The following PCDHGC4 variants were observed in gnomAD, a reference collection of about 807,000 sequenced individuals.
The protein encoded by PCDHGC4 is protocadherin gamma-C4.
A neutral mutation model predicts 59.7 loss-of-function variants in PCDHGC4; 15 were observed. That is an observed-to-expected ratio of 0.25 (90% CI 0.17 to 0.39). The LOEUF is 0.39. Ranked by LOEUF, PCDHGC4 falls within the 10% of genes least tolerant of loss-of-function variation. The probability of loss-of-function intolerance (pLI) is 1.00; values close to 1 mark genes in which losing one functional copy is unlikely to be tolerated. For synonymous variants in PCDHGC4, 434 were observed against 481.4 expected (o/e 0.90, Z 1.29); for missense variants, 1,016 against 1,189.5 (o/e 0.85, Z 2.15).
intron 2 of PCDHGC4, among the ~76,000 whole-genome samples, chr5:141,499,869 G>A (rs1247615457): frequency 3.3e-5 from 5 of 151,938 alleles, no homozygotes; most frequent in Non-Finnish European, 5.9e-5. Context: ...TGTATTTTCA[G>A]TACAAACAGG....
At position 141,491,725 on chromosome 5, in the gene PCDHGC4, G is replaced by A. The variant is rs1008933711; in HGVS notation, c.2443-3082G>A. The A allele has an allele frequency of 6.2e-7, 1 of 1,606,496 alleles. No homozygotes were observed. The highest frequency in any genetic ancestry group is 1.3e-5 in the African/African-American group (1 of 74,728). On this transcript the variant is annotated intron_variant, in intron 1 of 3. Coordinates refer to ENST00000306593, the MANE Select transcript of PCDHGC4 (RefSeq NM_018928.3). The surrounding 1 kb of genome is among the most constrained non-coding windows in gnomAD (Gnocchi z 6.9). ...GGTGAGGGGCTCGGCGCCGCCCCGGGCGACCCCTGGGGGCGGCACTGGAGA... is the reference window on the plus strand; with the variant it reads ...GGTGAGGGGCTCGGCGCCGCCCCGGACGACCCCTGGGGGCGGCACTGGAGA...
In PCDHGC4 at chr5:141,493,233, G is replaced by T. The variant is rs1335823475; in HGVS notation, c.2443-1574G>T. ...TTTGCTCTTCCCACCATTGCTGTTG[G>T]CTAGGTACTAACATGCCTCTCTTAT... is the stretch of plus-strand genomic sequence containing the variant. On this transcript the variant is annotated intron_variant, in intron 1 of 3. Coordinates refer to ENST00000306593, the MANE Select transcript of PCDHGC4 (RefSeq NM_018928.3). This position sits in a 1 kb window ranked among gnomAD's most constrained non-coding sequence, Gnocchi z 4.3. 6.6e-6 allele frequency among the ~76,000 whole-genome samples: 1 copy of T among 152,172 alleles called. No homozygotes were observed. The highest frequency in any genetic ancestry group is 2.1e-4 in the South Asian group (1 of 4,828).
At chr5:141,506,934 G>A (rs187503673) in intron 3 of PCDHGC4, among the ~76,000 whole-genome samples, 54 of 152,232 alleles carry the variant, frequency 3.5e-4, no homozygotes, top group African/African-American at 1.3e-3. Flanking sequence ...AAACTTTAGG[G>A]GCCTCCTGTC....
At position 141,502,487 on chromosome 5, in the gene PCDHGC4, C is replaced by T. The variant is rs563658817; in HGVS notation, c.2502-2906C>T. ...TACTTCCCGCAGCATCACACTGGGACTCATCTAACGTCGGCCTGTCCCACT... is the reference window on the plus strand; with the variant it reads ...TACTTCCCGCAGCATCACACTGGGATTCATCTAACGTCGGCCTGTCCCACT... On this transcript the variant is annotated intron_variant, in intron 2 of 3. Coordinates refer to ENST00000306593, the MANE Select transcript of PCDHGC4 (RefSeq NM_018928.3). Among the ~76,000 whole-genome samples, 92 of 152,298 alleles carry T rather than the reference C, an allele frequency of 6.0e-4. 3 individuals are homozygous for T. The highest frequency in any genetic ancestry group is 1.5e-4 in the Non-Finnish European group (10 of 68,030).
At position 141,490,735 on chromosome 5, in the gene PCDHGC4, C is replaced by T; in HGVS notation, c.2442+3120C>T. The T allele has an allele frequency of 2.5e-6, 4 of 1,614,194 alleles. No individual in the cohort carries two copies. Among genetic ancestry groups the T allele is most frequent in the Non-Finnish European group, 2.5e-6 (3 of 1,180,018 alleles). ...CTACTCCATTGTAGGAAATCAGGTTCAGGGAGCCCCAGCCTCCTCCTTTGT... is the reference window on the plus strand; with the variant it reads ...CTACTCCATTGTAGGAAATCAGGTTTAGGGAGCCCCAGCCTCCTCCTTTGT... On this transcript the variant is annotated intron_variant, in intron 1 of 3. Transcript: ENST00000306593. This position sits in a 1 kb window ranked among gnomAD's most constrained non-coding sequence, Gnocchi z 5.4.
rs1224515106 is a variant in PCDHGC4 at position 141,491,453 on chromosome 5, C to T, written c.2443-3354C>T. On this transcript the variant is annotated intron_variant, in intron 1 of 3. Transcript: ENST00000306593. The surrounding 1 kb of genome is among the most constrained non-coding windows in gnomAD (Gnocchi z 6.9). ...TGCTGCAGGCGCCAGGACTCACCCT[C>T]CCCGGACTTCTATAAGCAGTCCAGC... The T allele has an allele frequency of 6.2e-6, 10 of 1,614,120 alleles. No homozygotes were observed. The highest frequency in any genetic ancestry group is 8.5e-6 in the Non-Finnish European group (10 of 1,180,028).
At chr5:141,492,402 C>A (rs1254310448) in intron 1 of PCDHGC4, among the ~76,000 whole-genome samples, 1 of 152,232 alleles carries the variant, frequency 6.6e-6, no homozygotes, top group African/African-American at 2.4e-5. Flanking sequence ...TCGCAGCTCC[C>A]CTCTGCCGCT....
rs769461165 is a variant in PCDHGC4, at chr5:141,491,293, C to G, written c.2443-3514C>G. 2 of 1,614,048 alleles carry G rather than the reference C, an allele frequency of 1.2e-6. No individual in the cohort carries two copies. Among genetic ancestry groups the G allele is most frequent in the Admixed American group, 3.3e-5 (2 of 60,008 alleles). ...ATCCAGTGACTTCCTCATACACCCT[C>G]CTGAGCGTTCAGACCTTACCCTTTA... On this transcript the variant is annotated intron_variant, in intron 1 of 3. Coordinates refer to ENST00000306593, the MANE Select transcript of PCDHGC4 (RefSeq NM_018928.3). This position sits in a 1 kb window ranked among gnomAD's most constrained non-coding sequence, Gnocchi z 6.9.
intron 2 of PCDHGC4, 99 bp downstream of exon 2, chr5:141,494,964 G>A (rs2099757882): frequency 1.3e-6 from 2 of 1,594,380 alleles, no homozygotes; most frequent in Non-Finnish European, 8.5e-7. Context: ...GCTACAGATG[G>A]CTTCTCCCTC....
chr5:141,499,138 G>A (rs765607930), intron 2 of PCDHGC4, among the ~76,000 whole-genome samples: 12 of 152,144 alleles, frequency 7.9e-5, no homozygotes, highest in Non-Finnish European at 1.5e-4. Flanking sequence ...TCCTTTGGGT[G>A]TCTGATCCCA....
chr5:141,509,056 G>C (rs1303823294), intron 3 of PCDHGC4, among the ~76,000 whole-genome samples: 1 of 152,178 alleles, frequency 6.6e-6, no homozygotes, highest in Non-Finnish European at 1.5e-5. Flanking sequence ...CCCCCAGAAA[G>C]CTCTCAGCTC....
chr5:141,487,361 A>C lies in PCDHGC4; in HGVS notation c.2188A>C (p.Thr730Pro). Residue 730 changes from threonine to proline, a missense_variant, in exon 1 of 4, where the codon ACC becomes CCC. Physicochemically the swap from Thr to Pro is conservative, Grantham distance 38. Transcript: ENST00000306593. This position sits in a 1 kb window ranked among gnomAD's most constrained non-coding sequence, Gnocchi z 5.0. The part of the protein sequence containing the change: ...ACGVTCFPAG[T>P]CACLTRSRRR... ...TGGAGTCACATGCTTTCCTGCTGGC[A>C]CCTGTGCCTGTCTCACCAGATCTCG... The C allele has an allele frequency of 1.2e-6, 2 of 1,613,834 alleles. No individual in the cohort carries two copies. Among genetic ancestry groups the C allele is most frequent in the East Asian group, 2.2e-5 (1 of 44,860 alleles).
rs2099710738 is a variant in PCDHGC4, at chr5:141,491,331, T to C, written c.2443-3476T>C. 6.2e-7 allele frequency: 1 copy of C among 1,614,170 alleles called. No homozygotes were observed. The highest frequency in any genetic ancestry group is 8.5e-7 in the Non-Finnish European group (1 of 1,180,018). On this transcript the variant is annotated intron_variant, in intron 1 of 3. Coordinates refer to ENST00000306593, the MANE Select transcript of PCDHGC4 (RefSeq NM_018928.3). The surrounding 1 kb of genome is among the most constrained non-coding windows in gnomAD (Gnocchi z 6.9). ...ACCTTACCCTTTACCTCATTGTGGC[T>C]CTAGCGACCGTCAGTCTCTTATCCC...
chr5:141,490,042 G>A lies in PCDHGC4; in HGVS notation c.2442+2427G>A. On this transcript the variant is annotated intron_variant, in intron 1 of 3. Transcript: ENST00000306593. This position sits in a 1 kb window ranked among gnomAD's most constrained non-coding sequence, Gnocchi z 5.4. ...TCTGCTGCTCCGCCTCAATGCCACT[G>A]ATCCAGACGAGGGCACCAACGGCCA... The A allele has an allele frequency of 6.2e-7, 1 of 1,614,266 alleles. No homozygotes were observed. Among genetic ancestry groups the A allele is most frequent in the Non-Finnish European group, 8.5e-7 (1 of 1,180,038 alleles).
rs777856819 is a variant in PCDHGC4, at chr5:141,487,572, T to A, written c.2399T>A (p.Val800Asp). The change falls in exon 1 of 4, where the codon GTT (valine) becomes GAT (aspartate). Residue 800 changes from valine to aspartate, a missense_variant. By Grantham distance (152) the Val-to-Asp change is radical. Coordinates refer to ENST00000306593, the MANE Select transcript of PCDHGC4 (RefSeq NM_018928.3). The surrounding 1 kb of genome is among the most constrained non-coding windows in gnomAD (Gnocchi z 5.0). ...SPSAPMAGEP[V>D]RPSCPPSDLL... ...AGTGCACCTATGGCAGGGGAGCCTG[T>A]TCGCCCAAGCTGCCCACCCTCTGAT... 1 of 1,614,168 alleles carries A rather than the reference T, an allele frequency of 6.2e-7. No individual in the cohort carries two copies. Among genetic ancestry groups the A allele is most frequent in the Non-Finnish European group, 8.5e-7 (1 of 1,180,034 alleles).
At chr5:141,492,703 G>A (rs2099743198) in intron 1 of PCDHGC4, among the ~76,000 whole-genome samples, 1 of 152,246 alleles carries the variant, frequency 6.6e-6, no homozygotes, top group Non-Finnish European at 1.5e-5. Flanking sequence ...CAACCCAGAA[G>A]CCTCGAGCAG....
chr5:141,493,338 A>G lies in PCDHGC4; in HGVS notation c.2443-1469A>G, dbSNP rs773870729. Among the ~76,000 whole-genome samples the G allele has an allele frequency of 6.6e-6, 1 of 152,162 alleles. No individual in the cohort carries two copies. The highest frequency in any genetic ancestry group is 1.5e-5 in the Non-Finnish European group (1 of 68,028). On this transcript the variant is annotated intron_variant, in intron 1 of 3. Transcript: ENST00000306593. This position sits in a 1 kb window ranked among gnomAD's most constrained non-coding sequence, Gnocchi z 4.3. ...GATTCTAACCCCTGTCTAACTCCAG[A>G]ATGTGTGCTTTTAATTTCTTGGCAC...
Position 141,487,302 on chromosome 5 carries a change from C to T in PCDHGC4, c.2129C>T (p.Ala710Val), listed in dbSNP as rs763268817. 3.7e-6 allele frequency: 6 copies of T among 1,614,154 alleles called. No homozygotes were observed. The highest frequency in any genetic ancestry group is 3.4e-6 in the Non-Finnish European group (4 of 1,180,002). Residue 710 changes from alanine to valine, a missense_variant, in exon 1 of 4, where the codon GCA becomes GTA. Physicochemically the swap from Ala to Val is moderately conservative, Grantham distance 64. Transcript: ENST00000306593. This position sits in a 1 kb window ranked among gnomAD's most constrained non-coding sequence, Gnocchi z 5.0. Reference protein sequence around the residue: ...ICFVSFGSFVALLSKCLRGAA... With the variant: ...ICFVSFGSFVVLLSKCLRGAA... ...TTTGTCTCCTTTGGCTCATTCGTGGCACTACTCTCTAAGTGTCTTCGTGGG... is the reference window on the plus strand; with the variant it reads ...TTTGTCTCCTTTGGCTCATTCGTGGTACTACTCTCTAAGTGTCTTCGTGGG...
rs1177043977 is a variant in PCDHGC4, at chr5:141,491,919, C to G, written c.2443-2888C>G. On this transcript the variant is annotated intron_variant, in intron 1 of 3. Coordinates refer to ENST00000306593, the MANE Select transcript of PCDHGC4 (RefSeq NM_018928.3). The surrounding 1 kb of genome is among the most constrained non-coding windows in gnomAD (Gnocchi z 6.9). ...CACCGGGGGTGGTGGCGACTGTGGG[C>G]GAGGGGAGGTGGGACCGACCCCCAC... 5 of 1,361,900 alleles carry G rather than the reference C, an allele frequency of 3.7e-6. No homozygotes were observed. The South Asian group carries it at 7.8e-5, about 21-fold the overall frequency. The allele number at this position is 1,361,900 out of a possible 1,614,324, so 84.4% of individuals were successfully genotyped here. A position where few individuals can be genotyped will look rare whatever the true frequency, so the allele number is the denominator to read the frequency against.
Sources: gnomAD v4.1 joint callset for allele counts (sites outside exome capture counted in the v4.1 genomes callset) on GRCh38, gnomAD v4.1.1 for gene constraint, Gnocchi (gnomAD v3.1) non-coding constraint, MANE v1.5 for transcripts, NCBI Gene and HGNC (gene_info 2026-07-23, HGNC 2026-07-21) for gene names.